PTPRR: variants seen among roughly 807,000 people sequenced by gnomAD.
PTPRR encodes receptor-type tyrosine-protein phosphatase R.
In PTPRR, 38 loss-of-function variants were observed where a neutral mutation model predicts 77.2. The observed-to-expected ratio is 0.49, with a 90% confidence interval of 0.38 to 0.65. The LOEUF is 0.65. PTPRR is among the 30% of genes least tolerant of loss of function. The probability of loss-of-function intolerance (pLI) is 0.00; values close to 1 mark genes in which losing one functional copy is unlikely to be tolerated. For synonymous variants in PTPRR, 299 were observed against 283.1 expected, an observed-to-expected ratio of 1.06 and a Z score of -0.57; for missense variants, 744 against 799.2, an observed-to-expected ratio of 0.93 and a Z score of 0.83.
chr12:70,860,871 C>T (rs527491357), intron 2 of PTPRR, among the ~76,000 whole-genome samples: 1 of 152,088 alleles, frequency 6.6e-6, no homozygotes, highest in Non-Finnish European at 1.5e-5. Flanking sequence ...TCTTCCTTGA[C>T]CAGTTTATAT....
chr12:70,869,723 A>G (rs1010096521), intron 2 of PTPRR, among the ~76,000 whole-genome samples: 13 of 152,134 alleles, frequency 8.5e-5, no homozygotes, highest in Non-Finnish European at 1.9e-4. Flanking sequence ...GGGCATTGCT[A>G]TAAGGGGACC....
At chr12:70,906,805 GT>G (rs1046313536) in intron 1 of PTPRR, 1 of 151,480 alleles carries the variant, frequency 6.6e-6, no homozygotes, top group African/African-American at 2.4e-5. Flanking sequence ...GTTACAAAAA[GT>G]TTTTTTAAAA....
chr12:70,844,924 A>C (rs1455164431), intron 2 of PTPRR, among the ~76,000 whole-genome samples: 1 of 152,228 alleles, frequency 6.6e-6, no homozygotes, highest in Non-Finnish European at 1.5e-5. Flanking sequence ...CAAAACAACA[A>C]TAACAAAAAT....
rs550795997 is a variant in PTPRR, at chr12:70,880,684, A to T, written c.357+11995T>A. 8.5e-5 allele frequency among the ~76,000 whole-genome samples: 13 copies of T among 152,236 alleles called. No homozygotes were observed. In the South Asian group the frequency reaches 1.5e-3, roughly 17 times the overall value. ...CTTAGAGTTCAGCAGAAATTAAATAATTTTTTTGAATGAATGAATGTTTCA... is the reference window on the plus strand; with the variant it reads ...CTTAGAGTTCAGCAGAAATTAAATATTTTTTTTGAATGAATGAATGTTTCA... On this transcript the variant is annotated intron_variant, in intron 2 of 13. Coordinates refer to ENST00000283228, the MANE Select transcript of PTPRR (RefSeq NM_002849.4).
At chr12:70,703,331 C>A (rs1235017993) in intron 6 of PTPRR, among the ~76,000 whole-genome samples, 1 of 152,020 alleles carries the variant, frequency 6.6e-6, no homozygotes. Flanking sequence ...CTTCTTAACT[C>A]TTTTGGATCA....
At chr12:70,759,679 T>TAAAAAAAA (rs34011060) in intron 4 of PTPRR, among the ~76,000 whole-genome samples, 7 of 34,436 alleles carry the variant, frequency 2.0e-4, no homozygotes, top group African/African-American at 2.7e-4. Flanking sequence ...GACTCCGTCT[T>TAAAAAAAA]AAAAAAAAAA....
At chr12:70,760,442 T>C (rs1403950902) in intron 4 of PTPRR, among the ~76,000 whole-genome samples, 1 of 152,128 alleles carries the variant, frequency 6.6e-6, no homozygotes, top group Non-Finnish European at 1.5e-5. Flanking sequence ...CCTGTGATAC[T>C]AAAATGAGAG....
rs565130853 is a variant in PTPRR at position 70,684,229 on chromosome 12, C to A, written c.1395G>T (p.Thr465=). The change falls in exon 10 of 14, where the codon ACG becomes ACT. Residue 465 remains threonine (T), a synonymous_variant. Transcript: ENST00000283228. ...CCACGGTGTTGATCATGGGGCCCTG[C>A]GTGGCAATGAAGGCTTTCTCCTTGC... ...YSGKEKAFIA[T]QGPMINTVDD... 6.2e-7 allele frequency: 1 copy of A among 1,613,812 alleles called. No individual in the cohort carries two copies.
At chr12:70,874,553 A>G (rs1893016708) in intron 2 of PTPRR, among the ~76,000 whole-genome samples, 2 of 152,280 alleles carry the variant, frequency 1.3e-5, no homozygotes, top group Admixed American at 6.5e-5. Flanking sequence ...AATGGTGGAT[A>G]CTCCAGAAAT....
intron 4 of PTPRR, among the ~76,000 whole-genome samples, chr12:70,756,935 C>G (rs1890578100): frequency 6.6e-6 from 1 of 152,100 alleles, no homozygotes; most frequent in African/African-American, 2.4e-5. Flanking sequence ...TACAAAGTAT[C>G]TGGTTAATTT....
intron 4 of PTPRR, among the ~76,000 whole-genome samples, chr12:70,761,049 C>T (rs928387064): frequency 1.3e-5 from 2 of 151,920 alleles, no homozygotes; most frequent in African/African-American, 4.8e-5. Flanking sequence ...TGGGAAAAGG[C>T]GAATATCTGG....
At chr12:70,713,258 A>G (rs1888897801) in intron 6 of PTPRR, among the ~76,000 whole-genome samples, 1 of 152,298 alleles carries the variant, frequency 6.6e-6, no homozygotes, top group African/African-American at 2.4e-5. Flanking sequence ...AATATAGTCC[A>G]TTGTATGGAT....
At chr12:70,712,639 G>A (rs748208272) in intron 6 of PTPRR, among the ~76,000 whole-genome samples, 1 of 151,698 alleles carries the variant, frequency 6.6e-6, no homozygotes, top group African/African-American at 2.4e-5. Context: ...TTTCTGGAAT[G>A]CAAAATATAC....
Position 70,745,903 on chromosome 12 carries a change from G to T in PTPRR, c.922C>A (p.Arg308=). Residue 308 remains arginine, a synonymous_variant, in exon 6 of 14, where the codon CGA becomes AGA. Transcript: ENST00000283228. ...VLNVVVDPQG[R]GAPEIKATTA... is the part of the protein sequence containing the mutation. ...GTAGCTTTGATCTCAGGAGCACCTC[G>T]GCCTTGAGGGTCCACGACAACATTC... is the stretch of plus-strand genomic sequence containing the variant. 6.2e-7 allele frequency: 1 copy of T among 1,614,034 alleles called. No individual in the cohort carries two copies. The highest frequency in any genetic ancestry group is 8.5e-7 in the Non-Finnish European group (1 of 1,179,986).
At chr12:70,888,453 T>C (rs1420514747) in intron 2 of PTPRR, among the ~76,000 whole-genome samples, 1 of 152,196 alleles carries the variant, frequency 6.6e-6, no homozygotes, top group Non-Finnish European at 1.5e-5. Flanking sequence ...TGCATGCATG[T>C]ACTTTCAGTA....
At chr12:70,672,970 T>C (rs1887294525) in intron 10 of PTPRR, 1 of 1,386,008 alleles carries the variant, frequency 7.2e-7, no homozygotes, top group Non-Finnish European at 9.5e-7. Context: ...CCTGTAAGCC[T>C]CCTCTTCTAG....
Position 70,764,839 on chromosome 12 carries a change from A to T in PTPRR, c.358-61T>A, listed in dbSNP as rs373641488. The T allele has an allele frequency of 4.0e-4, 483 of 1,205,384 alleles. 2 individuals are homozygous for T. In the African/African-American group the frequency reaches 6.6e-3, roughly 16 times the overall value. 74.7% of individuals were successfully genotyped at this position (1,205,384 alleles called of 1,614,324 possible). A position where few individuals can be genotyped will look rare whatever the true frequency, so the allele number is the denominator to read the frequency against. On this transcript the variant is annotated intron_variant, in intron 2 of 13. Coordinates refer to ENST00000283228, the MANE Select transcript of PTPRR (RefSeq NM_002849.4). ...GTATTAATTTGTATAGATGTATAGA[A>T]TACATCCAAATAAGTATTAATAAGT...
At position 70,701,247 on chromosome 12, in the gene PTPRR, G is replaced by A. The variant is rs372026015; in HGVS notation, c.1084C>T (p.Pro362Ser). Reference protein sequence around the residue: ...NIEPFVSIPTPREKVAMEYLQ... With the variant: ...NIEPFVSIPTSREKVAMEYLQ... ...TACTCCATTGCTACCTTCTCCCGTG[G>A]TGTTGGTATAGACACAAAGGGTTCA... is the stretch of plus-strand genomic sequence containing the variant. The change falls in exon 7 of 14, where the codon CCA becomes TCA. Residue 362 changes from proline (P) to serine (S), a missense_variant. Physicochemically the swap from Pro to Ser is moderately conservative, Grantham distance 74. This residue lies in a region of PTPRR where 570 missense variants were observed against 573.2 expected (regional missense o/e 0.99). Transcript: ENST00000283228. 1.9e-6 allele frequency: 3 copies of A among 1,613,832 alleles called. No homozygotes were observed. The highest frequency in any genetic ancestry group is 2.5e-6 in the Non-Finnish European group (3 of 1,179,940).
chr12:70,677,837 A>G (rs1887503823), intron 10 of PTPRR, among the ~76,000 whole-genome samples: 1 of 152,128 alleles, frequency 6.6e-6, no homozygotes, highest in African/African-American at 2.4e-5. Flanking sequence ...GCATTTTTGC[A>G]TGTATATCAG....
Sources: allele counts gnomAD v4.1 joint callset (sites outside exome capture counted in the v4.1 genomes callset), GRCh38; gene constraint gnomAD v4.1.1; regional missense constraint gnomAD v4.1.1; transcripts MANE v1.5; gene names NCBI Gene and HGNC (gene_info 2026-07-23, HGNC 2026-07-21).